NKAIN3: variants seen among roughly 807,000 people sequenced by gnomAD.
The protein encoded by NKAIN3 is sodium/potassium transporting ATPase interacting 3.
NKAIN3 carries 25 observed loss-of-function variants against 30.2 expected under a neutral mutation model. The observed-to-expected ratio is 0.83, with a 90% CI of 0.60 to 1.16. The LOEUF (loss-of-function observed/expected upper bound fraction) is 1.16. Ranked by LOEUF, NKAIN3 falls within the 50% of genes most tolerant of loss-of-function variation. NKAIN3 has a pLI of 0.00. For missense variants in NKAIN3, 225 were observed against 254.1 expected (o/e 0.89, Z 0.78); for synonymous variants, 91 against 89.6 (o/e 1.02, Z -0.09).
intron 1 of NKAIN3, among the ~76,000 whole-genome samples, chr8:62,273,571 G>A (rs537740506): frequency 3.9e-5 from 6 of 152,110 alleles, no homozygotes; most frequent in African/African-American, 1.4e-4. Context: ...GGAAGTACTG[G>A]CCCTTGTCTG....
chr8:62,405,543 G>A (rs1804035922), intron 1 of NKAIN3, among the ~76,000 whole-genome samples: 2 of 152,214 alleles, frequency 1.3e-5, no homozygotes, highest in African/African-American at 4.8e-5. Context: ...TGACAGAGAA[G>A]CACTGAGTTC....
At chr8:62,277,556 T>C (rs534708147) in intron 1 of NKAIN3, among the ~76,000 whole-genome samples, 1 of 152,292 alleles carries the variant, frequency 6.6e-6, no homozygotes, top group East Asian at 1.9e-4. Context: ...TTGTGTGGTA[T>C]GAAAATTTAT....
At chr8:62,810,190 T>C (rs1818444224) in intron 4 of NKAIN3, among the ~76,000 whole-genome samples, 1 of 152,092 alleles carries the variant, frequency 6.6e-6, no homozygotes, top group African/African-American at 2.4e-5. Context: ...CGTTGAGAAA[T>C]TGAAAAATGG....
intron 1 of NKAIN3, among the ~76,000 whole-genome samples, chr8:62,429,411 C>A (rs1489667753): frequency 6.6e-6 from 1 of 151,808 alleles, no homozygotes; most frequent in Non-Finnish European, 1.5e-5. Flanking sequence ...TATTACAGTT[C>A]TTATTTCTGT....
At chr8:62,368,875 A>T (rs1436995675) in intron 1 of NKAIN3, among the ~76,000 whole-genome samples, 2 of 150,902 alleles carry the variant, frequency 1.3e-5, no homozygotes, top group African/African-American at 4.9e-5. Context: ...TGGCACATGT[A>T]TTCCCATTGC....
chr8:62,944,130 G>A (rs911178687), intron 5 of NKAIN3, among the ~76,000 whole-genome samples: 5 of 151,864 alleles, frequency 3.3e-5, no homozygotes, highest in East Asian at 1.9e-4. Flanking sequence ...GTAACCAAAC[G>A]CCACCTGTTC....
chr8:62,317,415 C>A (rs1402473903), intron 1 of NKAIN3, among the ~76,000 whole-genome samples: 1 of 152,170 alleles, frequency 6.6e-6, no homozygotes, highest in Non-Finnish European at 1.5e-5. Flanking sequence ...TTAGGTCTAA[C>A]ATTTAAGTCT....
At chr8:62,721,529 C>A (rs1334775137) in intron 3 of NKAIN3, among the ~76,000 whole-genome samples, 2 of 152,174 alleles carry the variant, frequency 1.3e-5, no homozygotes, top group African/African-American at 4.8e-5. Flanking sequence ...AACTGTGCTT[C>A]TTAAGTCTCA....
rs187911419 is a variant in NKAIN3 at position 62,261,735 on chromosome 8, A to G, written c.54+12608A>G. ...AAGGTGATTTATTTGTGAGCACACC[A>G]AAACTTATTTAGCTCATAAAATTTC... On this transcript the variant is annotated intron_variant, in intron 1 of 6. Coordinates refer to ENST00000623646, the MANE Select transcript of NKAIN3 (RefSeq NM_001304533.3). Among the ~76,000 whole-genome samples the G allele has an allele frequency of 1.5e-3, 222 of 152,356 alleles. 1 individual carries two copies. Among genetic ancestry groups the G allele is most frequent in the African/African-American group, 5.0e-3 (210 of 41,588 alleles).
At chr8:62,377,093 G>C (rs143691360) in intron 1 of NKAIN3, among the ~76,000 whole-genome samples, 1 of 152,022 alleles carries the variant, frequency 6.6e-6, no homozygotes. Flanking sequence ...TAATGTAATG[G>C]AAAATTAACA....
At chr8:62,986,748 T>C (rs527297628), downstream of NKAIN3, among the ~76,000 whole-genome samples, 375 of 152,052 alleles carry the variant, frequency 2.5e-3, 3 homozygotes, top group African/African-American at 8.5e-3. Context: ...CCCTCCCCCA[T>C]CCCCCAAAAC....
intron 1 of NKAIN3, among the ~76,000 whole-genome samples, chr8:62,390,296 C>G (rs1817552422): frequency 6.6e-6 from 1 of 152,032 alleles, no homozygotes; most frequent in African/African-American, 2.4e-5. Flanking sequence ...AATCTGTGTT[C>G]TTTGGCTTTT....
rs559609258 is a variant in NKAIN3, at chr8:62,318,026, T to C, written c.54+68899T>C. Among the ~76,000 whole-genome samples, 23 of 152,298 alleles carry C rather than the reference T, an allele frequency of 1.5e-4. No individual in the cohort carries two copies. The East Asian group carries it at 3.9e-3, about 26-fold the overall frequency. On this transcript the variant is annotated intron_variant, in intron 1 of 6. Coordinates refer to ENST00000623646, the MANE Select transcript of NKAIN3 (RefSeq NM_001304533.3). ...TAAGTTGGATTCCTAGGTATTTTAT[T>C]CTCTTTGAAGCAATTGTGAATGGGA...
intron 3 of NKAIN3, among the ~76,000 whole-genome samples, chr8:62,742,710 A>T (rs1296529837): frequency 1.3e-5 from 2 of 152,252 alleles, no homozygotes; most frequent in Non-Finnish European, 2.9e-5. Context: ...TGGCATTTGA[A>T]CTACTGACAT....
At chr8:62,269,193 T>C (rs947201084) in intron 1 of NKAIN3, among the ~76,000 whole-genome samples, 1 of 152,212 alleles carries the variant, frequency 6.6e-6, no homozygotes, top group African/African-American at 2.4e-5. Context: ...TAAGTATTGC[T>C]TGCAACTTTA....
chr8:62,888,327 G>T (rs1821205144), intron 4 of NKAIN3, among the ~76,000 whole-genome samples: 2 of 152,176 alleles, frequency 1.3e-5, no homozygotes, highest in South Asian at 4.1e-4. Context: ...GAGGGCACAA[G>T]GGGATTTTTC....
At chr8:62,728,001 A>G (rs935824492) in intron 3 of NKAIN3, among the ~76,000 whole-genome samples, 4 of 152,204 alleles carry the variant, frequency 2.6e-5, no homozygotes, top group Admixed American at 1.3e-4. Flanking sequence ...TTTTGTAACT[A>G]TATTATATGG....
At chr8:62,962,442 T>G (rs532524572) in intron 6 of NKAIN3, among the ~76,000 whole-genome samples, 2 of 152,298 alleles carry the variant, frequency 1.3e-5, no homozygotes, top group South Asian at 2.1e-4. Context: ...ATTAAGAAAT[T>G]TTTGTCAATT....
Position 62,629,204 on chromosome 8 carries a change from G to A in NKAIN3, c.273+39410G>A, listed in dbSNP as rs912211793. 7.9e-5 allele frequency among the ~76,000 whole-genome samples: 12 copies of A among 152,008 alleles called. 1 individual carries two copies. The highest frequency in any genetic ancestry group is 2.9e-4 in the African/African-American group (12 of 41,410). ...ACCTGGATAGGGTGACTCTGTGCCA[G>A]GCTTTGTTTAACACCTCACTTGTAT... On this transcript the variant is annotated intron_variant, in intron 3 of 6. Transcript: ENST00000623646.
Sources: allele counts gnomAD v4.1 joint callset (sites outside exome capture counted in the v4.1 genomes callset), GRCh38; gene constraint gnomAD v4.1.1; transcripts MANE v1.5; gene names NCBI Gene and HGNC (gene_info 2026-07-23, HGNC 2026-07-21).